Variants in CROT observed in about 807,000 individuals in gnomAD.
CROT encodes carnitine O-octanoyltransferase.
CROT carries 84 observed loss-of-function variants against 89.2 expected under a neutral mutation model. The ratio of observed to expected loss-of-function variants is 0.94; its 90% CI spans 0.79 to 1.13. CROT has a LOEUF of 1.13. CROT is among the 50% of genes most tolerant of loss of function. The probability of loss-of-function intolerance (pLI) is 0.00; values close to 1 mark genes in which losing one functional copy is unlikely to be tolerated. For missense variants in CROT, 711 were observed against 727.8 expected (o/e 0.98, Z 0.27); for synonymous variants, 212 against 239.5 (o/e 0.89, Z 1.06).
At chr7:87,359,672 A>T (rs1806212070) in intron 4 of CROT, 1 of 1,061,406 alleles carries the variant, frequency 9.4e-7, no homozygotes, top group East Asian at 8.6e-5. Context: ...AGCTTGAAAA[A>T]TCAGAAACAC....
chr7:87,397,220 A>G (rs1807557995), intron 17 of CROT, among the ~76,000 whole-genome samples: 1 of 152,094 alleles, frequency 6.6e-6, no homozygotes, highest in Admixed American at 6.6e-5. Context: ...GTGTGGTAGC[A>G]CACACCTGTA....
intron 3 of CROT, among the ~76,000 whole-genome samples, chr7:87,356,231 C>T (rs1384782011): frequency 6.6e-6 from 1 of 152,158 alleles, no homozygotes; most frequent in African/African-American, 2.4e-5. Flanking sequence ...ATATTATAAA[C>T]ATTTCTTAAT....
chr7:87,350,687 G>A (rs1805839058), intron 3 of CROT, among the ~76,000 whole-genome samples: 1 of 152,198 alleles, frequency 6.6e-6, no homozygotes, highest in Non-Finnish European at 1.5e-5. Flanking sequence ...GGAGAAGGAT[G>A]AGCATGCAAT....
chr7:87,354,590 G>C (rs1256285098), intron 3 of CROT, among the ~76,000 whole-genome samples: 1 of 151,964 alleles, frequency 6.6e-6, no homozygotes, highest in Non-Finnish European at 1.5e-5. Context: ...TTTAGCATTA[G>C]CTCATAACAA....
intron 10 of CROT, among the ~76,000 whole-genome samples, chr7:87,378,217 G>A (rs1361861056): frequency 7.2e-5 from 11 of 151,862 alleles, no homozygotes; most frequent in African/African-American, 2.4e-4. Flanking sequence ...GGTGTTGTGC[G>A]CCTGTGATCC....
intron 17 of CROT, among the ~76,000 whole-genome samples, chr7:87,394,445 T>C (rs1485292509): frequency 6.6e-6 from 1 of 152,060 alleles, no homozygotes; most frequent in Non-Finnish European, 1.5e-5. Context: ...CAGAGAAAAG[T>C]CATGACATTA....
At chr7:87,357,083 A>G (rs1272987553) in intron 3 of CROT, among the ~76,000 whole-genome samples, 1 of 152,230 alleles carries the variant, frequency 6.6e-6, no homozygotes, top group Non-Finnish European at 1.5e-5. Context: ...ATCCTGAGAC[A>G]TGACAAAGCA....
At chr7:87,378,390 T>G (rs1562935318) in intron 10 of CROT, among the ~76,000 whole-genome samples, 1 of 150,886 alleles carries the variant, frequency 6.6e-6, no homozygotes, top group Non-Finnish European at 1.5e-5. Context: ...TAATCCATAT[T>G]CAGGTTTAGG....
At chr7:87,363,499 G>A (rs1806346591) in intron 6 of CROT, among the ~76,000 whole-genome samples, 1 of 152,152 alleles carries the variant, frequency 6.6e-6, no homozygotes, top group African/African-American at 2.4e-5. Context: ...TGTGTTGAGG[G>A]CAGAATGCTC....
At chr7:87,360,143 GT>G in intron 4 of CROT, 1 of 903,414 alleles carries the variant, frequency 1.1e-6, no homozygotes, top group Non-Finnish European at 1.3e-6. Flanking sequence ...TATCTTTTTT[GT>G]TTATGTCTCT....
At chr7:87,350,074 C>T (rs1442364345) in intron 3 of CROT, among the ~76,000 whole-genome samples, 1 of 152,068 alleles carries the variant, frequency 6.6e-6, no homozygotes, top group Non-Finnish European at 1.5e-5. Context: ...GAAATAAAAG[C>T]ACAATAACTA....
chr7:87,359,131 G>C, intron 3 of CROT, 75 bp from the exon 4 acceptor site: 1 of 975,122 alleles, frequency 1.0e-6, no homozygotes, highest in Non-Finnish European at 1.6e-6. Context: ...CTTAAGATTT[G>C]CATAAGTTAG....
intron 17 of CROT, 96 bp downstream of exon 17, chr7:87,393,163 G>A: frequency 7.7e-7 from 1 of 1,305,240 alleles, no homozygotes; most frequent in Non-Finnish European, 1.1e-6. Flanking sequence ...TTCTTATATT[G>A]CCATCTGTCA....
chr7:87,370,663 TTAG>T (rs1806603040), intron 7 of CROT, among the ~76,000 whole-genome samples: 2 of 152,184 alleles, frequency 1.3e-5, no homozygotes, highest in Non-Finnish European at 2.9e-5. Flanking sequence ...AGGTCAAAAA[TTAG>T]AACATTTCTA....
intron 10 of CROT, among the ~76,000 whole-genome samples, chr7:87,380,833 A>G (rs1292586710): frequency 6.6e-6 from 1 of 152,178 alleles, no homozygotes; most frequent in Non-Finnish European, 1.5e-5. Flanking sequence ...ATATCTGAAA[A>G]TTCTTTGTAA....
intron 3 of CROT, among the ~76,000 whole-genome samples, chr7:87,350,244 T>C (rs1259873503): frequency 1.3e-5 from 2 of 152,172 alleles, no homozygotes; most frequent in East Asian, 3.9e-4. Context: ...ATTATGGCAG[T>C]AATCAGGAAC....
chr7:87,379,004 A>C (rs1806903420), intron 10 of CROT, among the ~76,000 whole-genome samples: 1 of 152,218 alleles, frequency 6.6e-6, no homozygotes, highest in Non-Finnish European at 1.5e-5. Context: ...TACTGTTGAC[A>C]GAATAGTTCT....
At chr7:87,369,667 T>C in intron 7 of CROT, 183 bp downstream of exon 7, 1 of 276,816 alleles carries the variant, frequency 3.6e-6, no homozygotes, top group Non-Finnish European at 6.6e-6. Context: ...TTACTAGACA[T>C]ATATAAATAT....
chr7:87,376,596 A>G (rs1806819316), intron 9 of CROT, among the ~76,000 whole-genome samples: 1 of 152,078 alleles, frequency 6.6e-6, no homozygotes, highest in African/African-American at 2.4e-5. Context: ...ATAGGAAAAA[A>G]TATCAAGGAT....
Sources: gnomAD v4.1 joint callset for allele counts (sites outside exome capture counted in the v4.1 genomes callset) on GRCh38, gnomAD v4.1.1 for gene constraint, MANE v1.5 for transcripts, NCBI Gene and HGNC (gene_info 2026-07-23, HGNC 2026-07-21) for gene names.